The following HCN1 variants were observed in gnomAD, a reference collection of about 807,000 sequenced individuals.
HCN1 encodes the protein potassium/sodium hyperpolarization-activated cyclic nucleotide-gated channel 1.
In HCN1, 13 loss-of-function variants were observed where a neutral mutation model predicts 78.9. The observed-to-expected ratio is 0.16, with a 90% CI of 0.11 to 0.26. The LOEUF (loss-of-function observed/expected upper bound fraction) is 0.26. Ranked by LOEUF, HCN1 falls within the 10% of genes least tolerant of loss-of-function variation. The pLI is 1.00. For missense variants in HCN1, 810 were observed against 1,154.3 expected (o/e 0.70, Z 4.32); for synonymous variants, 552 against 455.5 (o/e 1.21, Z -2.70).
intron 3 of HCN1, among the ~76,000 whole-genome samples, chr5:45,440,996 C>T (rs1181500065): frequency 6.6e-6 from 1 of 152,164 alleles, no homozygotes; most frequent in South Asian, 2.1e-4. Flanking sequence ...ATTGCACTTG[C>T]TGTTTCTTCC....
intron 2 of HCN1, among the ~76,000 whole-genome samples, chr5:45,572,738 T>G (rs1196429577): frequency 6.6e-6 from 1 of 152,198 alleles, no homozygotes; most frequent in Non-Finnish European, 1.5e-5. Flanking sequence ...TTTAACAAAA[T>G]TGTGAGCACG....
At chr5:45,616,375 G>C (rs1036223456) in intron 2 of HCN1, among the ~76,000 whole-genome samples, 2 of 151,866 alleles carry the variant, frequency 1.3e-5, no homozygotes, top group Admixed American at 1.3e-4. Context: ...CTGAGAGTGC[G>C]CCTAAAATAG....
intron 2 of HCN1, among the ~76,000 whole-genome samples, chr5:45,608,488 A>T (rs1744768868): frequency 6.6e-6 from 1 of 151,724 alleles, no homozygotes; most frequent in Non-Finnish European, 1.5e-5. Flanking sequence ...TGAGCAGGAA[A>T]ATTTGCCTTC....
chr5:45,314,377 AG>A (rs1424752088), intron 5 of HCN1, among the ~76,000 whole-genome samples: 3 of 152,192 alleles, frequency 2.0e-5, no homozygotes, highest in African/African-American at 7.2e-5. Context: ...AAACATGGAA[AG>A]GAACGACCGG....
At chr5:45,396,835 T>C (rs1739697193) in intron 3 of HCN1, 125 bp from the exon 4 acceptor site, 2 of 751,250 alleles carry the variant, frequency 2.7e-6, no homozygotes, top group South Asian at 2.9e-5. Flanking sequence ...CAATGGAGCA[T>C]TTACAAATGT....
intron 3 of HCN1, among the ~76,000 whole-genome samples, chr5:45,418,151 A>C (rs1434338283): frequency 6.6e-6 from 1 of 151,904 alleles, no homozygotes; most frequent in African/African-American, 2.4e-5. Flanking sequence ...CAATAGATAC[A>C]AATGCATTTT....
intron 1 of HCN1, among the ~76,000 whole-genome samples, chr5:45,673,974 CTTG>C (rs1381956939): frequency 1.3e-5 from 2 of 151,516 alleles, no homozygotes; most frequent in Non-Finnish European, 3.0e-5. Flanking sequence ...AGTGAAATCT[CTTG>C]TGTAATGTTT....
chr5:45,588,546 C>T (rs1744288545), intron 2 of HCN1, among the ~76,000 whole-genome samples: 1 of 152,164 alleles, frequency 6.6e-6, no homozygotes, highest in Non-Finnish European at 1.5e-5. Context: ...TGACCCCCTC[C>T]TCTAAATGCC....
At chr5:45,399,976 A>G (rs1165974885) in intron 3 of HCN1, among the ~76,000 whole-genome samples, 1 of 152,192 alleles carries the variant, frequency 6.6e-6, no homozygotes, top group Non-Finnish European at 1.5e-5. Flanking sequence ...TTACTTTATC[A>G]GTGAAAATGT....
At chr5:45,641,912 C>T (rs1249033697) in intron 2 of HCN1, 4 of 152,030 alleles carry the variant, frequency 2.6e-5, no homozygotes, top group African/African-American at 7.2e-5. Flanking sequence ...ATTTCCTCAC[C>T]GTATGTCTCT....
intron 2 of HCN1, among the ~76,000 whole-genome samples, chr5:45,476,706 AGACTATATGCCCTTTATATAC>A (rs1335183714): frequency 3.9e-5 from 6 of 152,136 alleles, no homozygotes; most frequent in African/African-American, 1.4e-4. Flanking sequence ...CCTCTTCATT[AGACTATATGCCCTTTATATAC>A]AGGCTGAGGA....
chr5:45,522,982 A>G (rs1363411040), intron 2 of HCN1, among the ~76,000 whole-genome samples: 3 of 152,020 alleles, frequency 2.0e-5, no homozygotes, highest in East Asian at 3.9e-4. Flanking sequence ...AGCATTAGGT[A>G]TATCTCCTAA....
chr5:45,630,723 A>C (rs1745256138), intron 2 of HCN1, among the ~76,000 whole-genome samples: 1 of 152,100 alleles, frequency 6.6e-6, no homozygotes, highest in Admixed American at 6.6e-5. Context: ...GATAAGTCCT[A>C]GTCTTCTTAT....
At chr5:45,385,824 T>A (rs1348683189) in intron 4 of HCN1, among the ~76,000 whole-genome samples, 1 of 152,194 alleles carries the variant, frequency 6.6e-6, no homozygotes, top group African/African-American at 2.4e-5. Flanking sequence ...TTGGGAATAA[T>A]CGCATTCTTG....
chr5:45,639,898 C>T (rs780467108), intron 2 of HCN1, among the ~76,000 whole-genome samples: 1 of 152,102 alleles, frequency 6.6e-6, no homozygotes, highest in African/African-American at 2.4e-5. Flanking sequence ...TGATTAAGTC[C>T]ATCATTAGCA....
Position 45,255,159 on chromosome 5 carries a change from G to C in HCN1, c.*6762C>G, listed in dbSNP as rs1175298432. On this transcript the variant is annotated 3_prime_UTR_variant, in exon 8 of 8. Transcript: ENST00000303230. Reference sequence around the variant, plus strand: ...CTAACTAGCAAGTGCCAGGAGGCAGGCTGGGTTAGACAGCGTGACCAAGAG... The same window carrying C: ...CTAACTAGCAAGTGCCAGGAGGCAGCCTGGGTTAGACAGCGTGACCAAGAG... The C allele has an allele frequency of 6.6e-6, 1 of 152,178 alleles. No homozygotes were observed. Among genetic ancestry groups the C allele is most frequent in the African/African-American group, 2.4e-5 (1 of 41,450 alleles). The allele number at this position is 152,178 out of a possible 1,614,324, so 9.4% of individuals were successfully genotyped here.
chr5:45,658,960 A>C (rs2112054186), intron 1 of HCN1, among the ~76,000 whole-genome samples: 1 of 147,236 alleles, frequency 6.8e-6, no homozygotes, highest in African/African-American at 2.5e-5. Flanking sequence ...CCACAGCTCA[A>C]GGAGGCCTGC....
chr5:45,650,466 C>G (rs943292338), intron 1 of HCN1, among the ~76,000 whole-genome samples: 2 of 152,030 alleles, frequency 1.3e-5, no homozygotes, highest in African/African-American at 4.8e-5. Context: ...GAAACTGTTA[C>G]GTAGAAACTT....
At chr5:45,390,769 C>A (rs945615284) in intron 4 of HCN1, among the ~76,000 whole-genome samples, 7 of 152,044 alleles carry the variant, frequency 4.6e-5, no homozygotes, top group African/African-American at 1.4e-4. Context: ...TAAATTAAGT[C>A]TCAAACTCCC....
Sources: allele counts gnomAD v4.1 joint callset (sites outside exome capture counted in the v4.1 genomes callset), GRCh38; gene constraint gnomAD v4.1.1; transcripts MANE v1.5; gene names NCBI Gene and HGNC (gene_info 2026-07-23, HGNC 2026-07-21).